The following DYRK1A variants were observed in gnomAD, a reference collection of about 807,000 sequenced individuals.
DYRK1A encodes the protein dual specificity tyrosine phosphorylation regulated kinase 1A.
In DYRK1A, 9 loss-of-function variants were observed where a neutral mutation model predicts 79.7. The ratio of observed to expected loss-of-function variants is 0.11; its 90% confidence interval spans 0.07 to 0.20. The LOEUF is 0.20. Among genes scored for constraint, DYRK1A ranks in the 10% least tolerant of loss-of-function variants. The pLI is 1.00. For missense variants in DYRK1A, 622 were observed against 956.0 expected (o/e 0.65, Z 4.61); for synonymous variants, 349 against 329.7 (o/e 1.06, Z -0.63).
chr21:37,500,138 A>G (rs1358247085), intron 9 of DYRK1A, among the ~76,000 whole-genome samples: 1 of 152,172 alleles, frequency 6.6e-6, no homozygotes, highest in African/African-American at 2.4e-5. Flanking sequence ...TTAATGCTCC[A>G]TGAATGAAGA....
chr21:37,469,824 A>G (rs922245070), intron 2 of DYRK1A, among the ~76,000 whole-genome samples: 3 of 152,172 alleles, frequency 2.0e-5, no homozygotes, highest in Non-Finnish European at 4.4e-5. Flanking sequence ...ACAGTTCGAC[A>G]TGAGAATTAG....
chr21:37,473,416 C>T (rs188107553), intron 3 of DYRK1A, among the ~76,000 whole-genome samples: 20 of 152,248 alleles, frequency 1.3e-4, no homozygotes, highest in Non-Finnish European at 2.5e-4. Context: ...ACATGCTGAA[C>T]TCTTGGTACT....
rs1189830307 is a variant in DYRK1A, at chr21:37,526,100, G to C, written c.*13569G>C. ...TTAAGCTCTTCCCATGTTGTTAAAA[G>C]TTAAAAAAAGAAGAGCTCCATTCCC... On this transcript the variant is annotated 3_prime_UTR_variant, in exon 12 of 12. Coordinates refer to ENST00000647188, the MANE Select transcript of DYRK1A (RefSeq NM_001347721.2). The C allele has an allele frequency of 6.6e-6, 1 of 152,114 alleles. No individual in the cohort carries two copies. Among genetic ancestry groups the C allele is most frequent in the Middle Eastern group, 3.2e-3 (1 of 316 alleles). The allele number at this position is 152,114 out of a possible 1,614,324, so 9.4% of individuals were successfully genotyped here.
At chr21:37,439,738 C>T (rs2051034668) in intron 2 of DYRK1A, among the ~76,000 whole-genome samples, 1 of 152,128 alleles carries the variant, frequency 6.6e-6, no homozygotes, top group South Asian at 2.1e-4. Context: ...GTTTGGGGGA[C>T]CGCTGCTTTA....
chr21:37,480,175 G>T (rs1301152645), intron 4 of DYRK1A, among the ~76,000 whole-genome samples: 8 of 151,930 alleles, frequency 5.3e-5, no homozygotes, highest in Non-Finnish European at 1.2e-4. Flanking sequence ...TACAGAAGAG[G>T]GAATTTATAT....
chr21:37,435,439 A>G (rs2050896697), intron 2 of DYRK1A, among the ~76,000 whole-genome samples: 1 of 152,198 alleles, frequency 6.6e-6, no homozygotes, highest in African/African-American at 2.4e-5. Context: ...GTTCCCACTC[A>G]CTGCGGGCAG....
chr21:37,392,667 A>G (rs1366503102), intron 1 of DYRK1A, among the ~76,000 whole-genome samples: 1 of 152,142 alleles, frequency 6.6e-6, no homozygotes, highest in Non-Finnish European at 1.5e-5. Flanking sequence ...CAAAGGCTCC[A>G]CCTCTTAATA....
chr21:37,440,773 T>C (rs986197835), intron 2 of DYRK1A, among the ~76,000 whole-genome samples: 2 of 152,352 alleles, frequency 1.3e-5, no homozygotes, highest in African/African-American at 4.8e-5. Context: ...GTATTTTGAA[T>C]AACTCGATTT....
At chr21:37,463,203 C>CGTGTGTGTGTGTGTGTGTGTGTGT (rs6147501) in intron 2 of DYRK1A, among the ~76,000 whole-genome samples, 83 of 145,360 alleles carry the variant, frequency 5.7e-4, no homozygotes, top group East Asian at 2.5e-3. Flanking sequence ...AATGTTGGCA[C>CGTGTGTGTGTGTGTGTGTGTGTGT]GTGTGTGTGT....
At chr21:37,449,172 A>C (rs959248654) in intron 2 of DYRK1A, among the ~76,000 whole-genome samples, 1 of 152,242 alleles carries the variant, frequency 6.6e-6, no homozygotes, top group African/African-American at 2.4e-5. Flanking sequence ...ACGTTTGACC[A>C]GTGTTTTCAA....
upstream of DYRK1A, among the ~76,000 whole-genome samples, chr21:37,366,357 G>A (rs1400671394): frequency 1.4e-5 from 2 of 145,466 alleles, no homozygotes; most frequent in African/African-American, 2.5e-5. Context: ...GGCTGCGGGG[G>A]CGGCGGCGCG....
intron 2 of DYRK1A, among the ~76,000 whole-genome samples, chr21:37,437,641 G>A (rs569187645): frequency 1.3e-5 from 2 of 152,160 alleles, no homozygotes; most frequent in Admixed American, 1.3e-4. Context: ...TTTTTGCCTG[G>A]TTTTAGTTCT....
intron 2 of DYRK1A, among the ~76,000 whole-genome samples, chr21:37,466,511 A>G (rs1475184473): frequency 6.6e-6 from 1 of 152,214 alleles, no homozygotes; most frequent in Non-Finnish European, 1.5e-5. Context: ...CATACTCTTT[A>G]CAAGAGATAA....
At chr21:37,478,464 A>C (rs2052482476) in intron 4 of DYRK1A, among the ~76,000 whole-genome samples, 164 bp downstream of exon 4, 1 of 152,210 alleles carries the variant, frequency 6.6e-6, no homozygotes, top group African/African-American at 2.4e-5. Flanking sequence ...TATGTAAAAG[A>C]TATATTAACA....
rs16995190 is a variant in DYRK1A, at chr21:37,481,148, T to C, written c.489+322T>C. On this transcript the variant is annotated intron_variant, in intron 5 of 11. Transcript: ENST00000647188. ...TCTGTAGATGATTGTTAATTACATA[T>C]GCTAGAGGTATTTACCTTCTTGTCC... 7.7e-3 allele frequency: 1,428 copies of C among 184,448 alleles called. 20 individuals carry two copies. The highest frequency in any genetic ancestry group is 0.032 in the African/African-American group (1,360 of 42,890). The allele number at this position is 184,448 out of a possible 1,614,324, so 11.4% of individuals were successfully genotyped here. A position where few individuals can be genotyped will look rare whatever the true frequency, so the allele number is the denominator to read the frequency against.
At chr21:37,469,601 C>G (rs995639554) in intron 2 of DYRK1A, among the ~76,000 whole-genome samples, 2 of 152,104 alleles carry the variant, frequency 1.3e-5, no homozygotes, top group Non-Finnish European at 2.9e-5. Flanking sequence ...GGAAGACTTT[C>G]AATCATGGCA....
chr21:37,388,066 A>G (rs897930286), intron 1 of DYRK1A, among the ~76,000 whole-genome samples: 2 of 145,412 alleles, frequency 1.4e-5, no homozygotes, highest in African/African-American at 2.5e-5. Flanking sequence ...CTCCTTATAA[A>G]TTTCTGTGTT....
chr21:37,498,069 G>C (rs2053328066), intron 9 of DYRK1A, among the ~76,000 whole-genome samples: 1 of 151,964 alleles, frequency 6.6e-6, no homozygotes, highest in Admixed American at 6.5e-5. Flanking sequence ...ACTTTCATTG[G>C]CTATCTCTTT....
At chr21:37,492,704 GC>G (rs2072419738) in intron 7 of DYRK1A, among the ~76,000 whole-genome samples, 1 of 152,010 alleles carries the variant, frequency 6.6e-6, no homozygotes, top group Non-Finnish European at 1.5e-5. Flanking sequence ...GAAATACATT[GC>G]TTTCAATAGT....
Sources: allele counts gnomAD v4.1 joint callset (sites outside exome capture counted in the v4.1 genomes callset), GRCh38; gene constraint gnomAD v4.1.1; transcripts MANE v1.5; gene names NCBI Gene and HGNC (gene_info 2026-07-23, HGNC 2026-07-21).